Variants in FILIP1L observed in about 807,000 individuals in gnomAD.
FILIP1L encodes the protein filamin A interacting protein 1 like.
In FILIP1L, 55 loss-of-function variants were observed where a neutral mutation model predicts 96.6. That is an observed-to-expected ratio of 0.57 (90% CI 0.46 to 0.71). The LOEUF (loss-of-function observed/expected upper bound fraction) is 0.71. FILIP1L is among the 30% of genes least tolerant of loss of function. FILIP1L has a pLI of 0.00. For missense variants in FILIP1L, 1,304 were observed against 1,321.2 expected, an observed-to-expected ratio of 0.99 and a Z score of 0.20; for synonymous variants, 467 against 473.9, an observed-to-expected ratio of 0.99 and a Z score of 0.19.
chr3:99,889,707 T>C (rs1706023775), intron 4 of FILIP1L, among the ~76,000 whole-genome samples: 1 of 152,062 alleles, frequency 6.6e-6, no homozygotes, highest in South Asian at 2.1e-4. Flanking sequence ...TAATACATAC[T>C]GTATTCCTAT....
In FILIP1L at chr3:99,850,344, C is replaced by G. The variant is rs9828782; in HGVS notation, c.1332G>C (p.Leu444=). ...FNKSKQECYS[L]KCNLEKERMT... is the part of the protein sequence containing the mutation. ...TCCTTTCTTTTTCTAAATTGCATTT[C>G]AGAGAGTAGCATTCTTGTTTGCTTT... The change falls in exon 5 of 6, where the codon CTG becomes CTC. Residue 444 remains leucine, a synonymous_variant. Coordinates refer to ENST00000477258, the MANE Select transcript of FILIP1L (RefSeq NM_001387850.1). 6.2e-7 allele frequency: 1 copy of G among 1,612,862 alleles called. No individual in the cohort carries two copies. The highest frequency in any genetic ancestry group is 1.3e-5 in the African/African-American group (1 of 74,784).
chr3:99,963,450 C>T (rs1271642848), intron 1 of FILIP1L, among the ~76,000 whole-genome samples: 1 of 152,062 alleles, frequency 6.6e-6, no homozygotes, highest in East Asian at 1.9e-4. Flanking sequence ...AAGGGGCTGA[C>T]GGTCTCTGTG....
At position 99,971,318 on chromosome 3, in the gene FILIP1L, T is replaced by C. The variant is rs1451042181; in HGVS notation, c.-10-40288A>G. ...TCGTGCCACTGCCCACCAGCCTGGG[T>C]GACAGAGCCCATCTCAAAAAAAAAA... On this transcript the variant is annotated intron_variant, in intron 1 of 5. Coordinates refer to ENST00000477258, the MANE Select transcript of FILIP1L (RefSeq NM_001387850.1). Among the ~76,000 whole-genome samples, 155 of 130,082 alleles carry C rather than the reference T, an allele frequency of 1.2e-3. 1 individual carries two copies. Among genetic ancestry groups the C allele is most frequent in the Admixed American group, 3.2e-3 (38 of 11,836 alleles). The allele number at this position is 130,082 out of a possible 152,430, so 85.3% of individuals were successfully genotyped here. A position where few individuals can be genotyped will look rare whatever the true frequency, so the allele number is the denominator to read the frequency against.
At chr3:99,847,230 A>G (rs2107517969) in intron 5 of FILIP1L, among the ~76,000 whole-genome samples, 1 of 152,306 alleles carries the variant, frequency 6.6e-6, no homozygotes, top group East Asian at 1.9e-4. Flanking sequence ...AAAACAAAAA[A>G]AAAAACTGTA....
At chr3:100,057,909 C>T (rs2065492728) in intron 1 of FILIP1L, among the ~76,000 whole-genome samples, 1 of 152,128 alleles carries the variant, frequency 6.6e-6, no homozygotes, top group South Asian at 2.1e-4. Flanking sequence ...TCCTGATGAC[C>T]TTTTACCCAA....
intron 4 of FILIP1L, among the ~76,000 whole-genome samples, chr3:99,863,711 ATG>A (rs1197105784): frequency 6.6e-6 from 1 of 152,178 alleles, no homozygotes; most frequent in Non-Finnish European, 1.5e-5. Context: ...ATATTTCAAA[ATG>A]TGTGTATTAA....
chr3:99,829,155 G>A lies in FILIP1L; in HGVS notation c.*1259C>T, dbSNP rs1322915438. Among the ~76,000 whole-genome samples, 1 of 152,176 alleles carries A rather than the reference G, an allele frequency of 6.6e-6. No homozygotes were observed. The highest frequency in any genetic ancestry group is 1.9e-4 in the East Asian group (1 of 5,190). On this transcript the variant is annotated 3_prime_UTR_variant, in exon 6 of 6. Transcript: ENST00000477258. ...GCTGGCTAAAGCAGTCCTTAACCATGAGGATTTCTTCCAGGGTCATGCTTC... is the reference window on the plus strand; with the variant it reads ...GCTGGCTAAAGCAGTCCTTAACCATAAGGATTTCTTCCAGGGTCATGCTTC...
At chr3:100,026,866 A>G (rs963334894) in intron 1 of FILIP1L, among the ~76,000 whole-genome samples, 4 of 151,992 alleles carry the variant, frequency 2.6e-5, no homozygotes, top group Non-Finnish European at 4.4e-5. Flanking sequence ...ACTGCCCACA[A>G]TCCTCCAAAG....
intron 1 of FILIP1L, among the ~76,000 whole-genome samples, chr3:100,039,128 G>C (rs1200203770): frequency 1.3e-5 from 2 of 152,140 alleles, no homozygotes; most frequent in Non-Finnish European, 2.9e-5. Context: ...TATTGGTATT[G>C]AAATTATCAT....
chr3:100,006,862 TAA>T (rs1710003090), intron 1 of FILIP1L, among the ~76,000 whole-genome samples: 1 of 152,246 alleles, frequency 6.6e-6, no homozygotes, highest in Admixed American at 6.5e-5. Context: ...ATTTGATTAC[TAA>T]ACCACTGCAA....
At chr3:100,053,822 T>G (rs1016064394) in intron 1 of FILIP1L, among the ~76,000 whole-genome samples, 2 of 152,204 alleles carry the variant, frequency 1.3e-5, no homozygotes, top group African/African-American at 4.8e-5. Context: ...CCACAACACA[T>G]GCTGAGTCTG....
chr3:99,888,967 A>G (rs1705999292), intron 4 of FILIP1L, among the ~76,000 whole-genome samples: 1 of 152,152 alleles, frequency 6.6e-6, no homozygotes. Flanking sequence ...TGATTACATT[A>G]TATTCAGAGA....
At chr3:99,936,467 C>G (rs1271969708) in intron 1 of FILIP1L, among the ~76,000 whole-genome samples, 1 of 137,996 alleles carries the variant, frequency 7.2e-6, no homozygotes, top group East Asian at 2.1e-4. Flanking sequence ...CCTCCACCTC[C>G]TGGGTTCAAG....
chr3:99,843,900 A>C (rs1215325839), intron 5 of FILIP1L, among the ~76,000 whole-genome samples: 1 of 152,212 alleles, frequency 6.6e-6, no homozygotes, highest in Non-Finnish European at 1.5e-5. Flanking sequence ...TGTGAACTGC[A>C]CATGCGAGGG....
At chr3:99,992,201 G>T (rs1310388953) in intron 1 of FILIP1L, among the ~76,000 whole-genome samples, 3 of 152,026 alleles carry the variant, frequency 2.0e-5, no homozygotes, top group East Asian at 3.9e-4. Context: ...TGAAATTGCT[G>T]AATCAAATGG....
intron 5 of FILIP1L, among the ~76,000 whole-genome samples, chr3:99,835,619 ACT>A (rs1942865491): frequency 2.0e-5 from 3 of 152,140 alleles, no homozygotes; most frequent in Admixed American, 2.0e-4. Context: ...GGAATGTGAA[ACT>A]CTGCAAAGTC....
intron 1 of FILIP1L, among the ~76,000 whole-genome samples, chr3:99,960,664 G>C (rs1203414888): frequency 6.6e-6 from 1 of 152,168 alleles, no homozygotes; most frequent in African/African-American, 2.4e-5. Context: ...AGAAGTAGGG[G>C]AGTCCAGAGT....
intron 1 of FILIP1L, among the ~76,000 whole-genome samples, chr3:100,070,442 TAAATA>T: frequency 6.6e-6 from 1 of 152,102 alleles, no homozygotes; most frequent in Non-Finnish European, 1.5e-5. Context: ...ACTTGAATAT[TAAATA>T]ATGTTGATTT....
intron 1 of FILIP1L, among the ~76,000 whole-genome samples, chr3:100,052,640 C>T (rs1253793540): frequency 6.6e-6 from 1 of 152,178 alleles, no homozygotes; most frequent in Non-Finnish European, 1.5e-5. Flanking sequence ...AGTATTAACA[C>T]TGAGAATCCA....
Sources: gnomAD v4.1 joint callset for allele counts (sites outside exome capture counted in the v4.1 genomes callset) on GRCh38, gnomAD v4.1.1 for gene constraint, MANE v1.5 for transcripts, NCBI Gene and HGNC (gene_info 2026-07-23, HGNC 2026-07-21) for gene names.